TBC1D5: variants seen among roughly 807,000 people sequenced by gnomAD.
TBC1D5 encodes TBC1 domain family, member 5.
Under a neutral mutation model 100.3 loss-of-function variants are expected in TBC1D5, and 75 were observed. The ratio of observed to expected loss-of-function variants is 0.75; its 90% CI spans 0.62 to 0.91. The LOEUF is 0.91. Ranked by LOEUF, TBC1D5 falls within the 40% of genes least tolerant of loss-of-function variation. TBC1D5 has a pLI of 0.00. For missense variants in TBC1D5, 910 were observed against 942.4 expected (o/e 0.97, Z 0.45); for synonymous variants, 323 against 325.6 (o/e 0.99, Z 0.09).
intron 2 of TBC1D5, among the ~76,000 whole-genome samples, chr3:17,526,705 C>T (rs2096140643): frequency 6.6e-6 from 1 of 152,148 alleles, no homozygotes; most frequent in African/African-American, 2.4e-5. Flanking sequence ...AGTAAGCATT[C>T]AATAAATATT....
chr3:17,319,245 T>C (rs1349900262), intron 13 of TBC1D5, among the ~76,000 whole-genome samples: 2 of 152,206 alleles, frequency 1.3e-5, no homozygotes, highest in Non-Finnish European at 1.5e-5. Context: ...ACTCATTTCC[T>C]TTCCACATCA....
At chr3:17,531,385 A>G (rs1365947294) in intron 2 of TBC1D5, among the ~76,000 whole-genome samples, 2 of 152,218 alleles carry the variant, frequency 1.3e-5, no homozygotes, top group African/African-American at 2.4e-5. Context: ...GGAAGAATCA[A>G]TATCATGAAA....
intron 3 of TBC1D5, among the ~76,000 whole-genome samples, chr3:17,462,903 A>G (rs2095241179): frequency 6.6e-6 from 1 of 152,046 alleles, no homozygotes; most frequent in Non-Finnish European, 1.5e-5. Context: ...CAGGAACCTT[A>G]CTTCTAAATA....
At chr3:17,725,224 A>G (rs2076024012) in intron 1 of TBC1D5, among the ~76,000 whole-genome samples, 1 of 152,122 alleles carries the variant, frequency 6.6e-6, no homozygotes, top group African/African-American at 2.4e-5. Context: ...GGAGCCTAAA[A>G]TTAAAATGTA....
intron 1 of TBC1D5, among the ~76,000 whole-genome samples, chr3:17,652,731 C>G (rs1486607460): frequency 6.6e-6 from 1 of 152,154 alleles, no homozygotes; most frequent in African/African-American, 2.4e-5. Context: ...CTGCAGCACC[C>G]TGATTATTCT....
chr3:17,648,546 A>G (rs2065224787), intron 1 of TBC1D5, among the ~76,000 whole-genome samples: 1 of 152,224 alleles, frequency 6.6e-6, no homozygotes, highest in African/African-American at 2.4e-5. Context: ...TAGACAACGT[A>G]CAGAATGGAA....
chr3:17,477,965 G>A (rs1264609530), intron 3 of TBC1D5, among the ~76,000 whole-genome samples: 35 of 151,974 alleles, frequency 2.3e-4, no homozygotes, highest in Admixed American at 2.2e-3. Flanking sequence ...AATTCTGAAT[G>A]GATTTTAGAA....
chr3:17,665,358 T>C (rs2067149784), intron 1 of TBC1D5, among the ~76,000 whole-genome samples: 1 of 152,176 alleles, frequency 6.6e-6, no homozygotes. Flanking sequence ...TTTATAAAAG[T>C]TTGCAAACTG....
intron 15 of TBC1D5, among the ~76,000 whole-genome samples, chr3:17,282,997 C>A (rs757360697): frequency 6.6e-6 from 1 of 152,218 alleles, no homozygotes; most frequent in Admixed American, 6.5e-5. Flanking sequence ...GGATAAAGAA[C>A]GGCCAGGCCC....
At chr3:17,729,799 G>A (rs918050861) in intron 1 of TBC1D5, among the ~76,000 whole-genome samples, 2 of 151,774 alleles carry the variant, frequency 1.3e-5, no homozygotes, top group Non-Finnish European at 2.9e-5. Context: ...GAGAACAAAG[G>A]TCACTTTTTA....
At chr3:17,634,660 G>A (rs1029248257) in intron 1 of TBC1D5, among the ~76,000 whole-genome samples, 2 of 147,608 alleles carry the variant, frequency 1.4e-5, no homozygotes, top group Non-Finnish European at 3.0e-5. Context: ...ATAAGACTAA[G>A]TATTTGATAG....
chr3:17,602,736 C>T (rs1444872504), intron 2 of TBC1D5, among the ~76,000 whole-genome samples: 1 of 151,808 alleles, frequency 6.6e-6, no homozygotes, highest in African/African-American at 2.4e-5. Context: ...CCACACCCAG[C>T]TAATTTTTTT....
intron 1 of TBC1D5, among the ~76,000 whole-genome samples, chr3:17,658,340 A>G (rs2066304324): frequency 6.6e-6 from 1 of 152,146 alleles, no homozygotes; most frequent in Non-Finnish European, 1.5e-5. Context: ...TTATAGCATC[A>G]CTCTGTCCTC....
chr3:17,300,756 T>G (rs1304027022), intron 14 of TBC1D5, among the ~76,000 whole-genome samples: 1 of 152,178 alleles, frequency 6.6e-6, no homozygotes, highest in East Asian at 1.9e-4. Flanking sequence ...AGGCAATAAA[T>G]ATTTGAGAAA....
At chr3:17,616,601 G>A (rs1296577943) in intron 2 of TBC1D5, among the ~76,000 whole-genome samples, 1 of 152,128 alleles carries the variant, frequency 6.6e-6, no homozygotes, top group African/African-American at 2.4e-5. Flanking sequence ...ATTTAGGATA[G>A]TTAGCTCTTC....
At chr3:17,168,084 C>A (rs1372794405) in intron 19 of TBC1D5, among the ~76,000 whole-genome samples, 2 of 152,198 alleles carry the variant, frequency 1.3e-5, no homozygotes, top group African/African-American at 4.8e-5. Context: ...GTCTTCACTT[C>A]CAACAAGAGA....
intron 3 of TBC1D5, among the ~76,000 whole-genome samples, chr3:17,486,241 C>CT (rs1454033550): frequency 6.6e-6 from 1 of 151,990 alleles, no homozygotes; most frequent in Admixed American, 6.6e-5. Context: ...GATATTAGCC[C>CT]TTTGTCAGAT....
chr3:17,627,793 A>G lies in TBC1D5; in HGVS notation c.-100-3880T>C, dbSNP rs796594943. Reference sequence around the variant, plus strand: ...ACTGTTTTGTTTCACTAAAAGAAAAAGCTGGACATTTTCCTTTTAAAAAGT... The same window carrying G: ...ACTGTTTTGTTTCACTAAAAGAAAAGGCTGGACATTTTCCTTTTAAAAAGT... On this transcript the variant is annotated intron_variant, in intron 1 of 21. Coordinates refer to ENST00000253692, the Ensembl canonical transcript of TBC1D5. Among the ~76,000 whole-genome samples, 51 of 152,266 alleles carry G rather than the reference A, an allele frequency of 3.3e-4. 1 individual carries two copies. Among genetic ancestry groups the G allele is most frequent in the African/African-American group, 1.2e-3 (50 of 41,564 alleles).
At chr3:17,467,918 A>C (rs181092232) in intron 3 of TBC1D5, among the ~76,000 whole-genome samples, 5 of 152,232 alleles carry the variant, frequency 3.3e-5, no homozygotes, top group African/African-American at 1.2e-4. Context: ...CCTTCCCCCA[A>C]ATATCTTCAT....
Sources: gnomAD v4.1 joint callset for allele counts (sites outside exome capture counted in the v4.1 genomes callset) on GRCh38, gnomAD v4.1.1 for gene constraint, MANE v1.5 for transcripts, NCBI Gene and HGNC (gene_info 2026-07-23, HGNC 2026-07-21) for gene names.